The following MPDZ variants were observed in gnomAD, a reference collection of about 807,000 sequenced individuals.
MPDZ encodes the protein multiple PDZ domain protein.
In MPDZ, 234 loss-of-function variants were observed where a neutral mutation model predicts 239.1. The ratio of observed to expected loss-of-function variants is 0.98; its 90% CI spans 0.88 to 1.09. The LOEUF is 1.09. Ranked by LOEUF, MPDZ falls within the 50% of genes least tolerant of loss-of-function variation. The pLI is 0.00. For missense variants in MPDZ, 3,175 were observed against 2,510.0 expected, an observed-to-expected ratio of 1.26 and a Z score of -5.66; for synonymous variants, 1,048 against 881.3, an observed-to-expected ratio of 1.19 and a Z score of -3.35.
chr9:13,108,144 C>A (rs545311715), intron 46 of MPDZ, among the ~76,000 whole-genome samples: 1 of 152,084 alleles, frequency 6.6e-6, no homozygotes, highest in Non-Finnish European at 1.5e-5. Flanking sequence ...TTTTTAAACA[C>A]GTTTGACTAA....
At chr9:13,227,609 C>T (rs1033904439) in intron 3 of MPDZ, among the ~76,000 whole-genome samples, 2 of 151,930 alleles carry the variant, frequency 1.3e-5, no homozygotes, top group African/African-American at 4.8e-5. Context: ...GTAAGAGATT[C>T]ATGGTAAAAG....
At chr9:13,253,069 G>A (rs890551312) in intron 1 of MPDZ, among the ~76,000 whole-genome samples, 16 of 152,058 alleles carry the variant, frequency 1.1e-4, no homozygotes, top group Non-Finnish European at 1.9e-4. Context: ...GGTAGACCTC[G>A]GATTTAGAAG....
chr9:13,119,419 C>T (rs1943989258), intron 39 of MPDZ, 83 bp downstream of exon 39: 3 of 1,462,002 alleles, frequency 2.1e-6, no homozygotes, highest in Non-Finnish European at 2.8e-6. Flanking sequence ...GAAGTCATTA[C>T]TAATTTGACT....
rs375237042 is a variant in MPDZ, at chr9:13,216,746, C to A, written c.1290+28G>T. 10 of 1,499,852 alleles carry A rather than the reference C, an allele frequency of 6.7e-6. No individual in the cohort carries two copies. The East Asian group carries it at 2.3e-4, about 34-fold the overall frequency. 92.9% of individuals were successfully genotyped at this position (1,499,852 alleles called of 1,614,324 possible). ...TACAATTCTCAACCATGAAAATTAA[C>A]AAAGCTATTGTTAAATGTGTAACTT... On this transcript the variant is annotated intron_variant, in intron 10 of 46. Transcript: ENST00000319217.
At chr9:13,187,794 C>A (rs537228781) in intron 17 of MPDZ, among the ~76,000 whole-genome samples, 1 of 80,108 alleles carries the variant, frequency 1.2e-5, no homozygotes, top group South Asian at 4.3e-4. Context: ...CTGGAAAAAA[C>A]CCACAAATAT....
At chr9:13,226,273 G>A (rs1407502075) in intron 3 of MPDZ, among the ~76,000 whole-genome samples, 1 of 152,104 alleles carries the variant, frequency 6.6e-6, no homozygotes, top group Non-Finnish European at 1.5e-5. Flanking sequence ...TTATTTGTGT[G>A]TGCCTTTTAA....
chr9:13,159,674 T>A (rs964631857), intron 23 of MPDZ, among the ~76,000 whole-genome samples: 1 of 152,100 alleles, frequency 6.6e-6, no homozygotes, highest in Non-Finnish European at 1.5e-5. Context: ...GTGAGAGCTA[T>A]TCAGAAACAC....
intron 36 of MPDZ, among the ~76,000 whole-genome samples, chr9:13,122,375 A>T (rs561012781): frequency 4.6e-5 from 7 of 152,328 alleles, no homozygotes; most frequent in South Asian, 4.1e-4. Context: ...CTTTTTTCCT[A>T]ATGATAGAGA....
chr9:13,142,331 T>C lies in MPDZ; in HGVS notation c.3840+1135A>G, dbSNP rs555268545. Among the ~76,000 whole-genome samples the C allele has an allele frequency of 6.3e-4, 96 of 152,240 alleles. 1 individual carries two copies. The highest frequency in any genetic ancestry group is 2.1e-3 in the African/African-American group (88 of 41,552). The stretch of plus-strand genomic sequence containing the variant: ...AGTAAATCAAAATGGTGCCCTAACC[T>C]ACCTGACTAATAAAACCAATATAAG... On this transcript the variant is annotated intron_variant, in intron 27 of 46. Transcript: ENST00000319217.
rs929210909 is a variant in MPDZ, at chr9:13,160,550, A to T, written c.3359+2141T>A. Among the ~76,000 whole-genome samples, 4 of 152,044 alleles carry T rather than the reference A, an allele frequency of 2.6e-5. No individual in the cohort carries two copies. In the East Asian group the frequency reaches 7.8e-4, roughly 30 times the overall value. ...TTCTTTAAGTAAGTCATTTGACACAATATTTCAGAGGGACATTGAAATAAT... is the reference window on the plus strand; with the variant it reads ...TTCTTTAAGTAAGTCATTTGACACATTATTTCAGAGGGACATTGAAATAAT... On this transcript the variant is annotated intron_variant, in intron 23 of 46. Transcript: ENST00000319217.
At chr9:13,160,184 T>A (rs1950294584) in intron 23 of MPDZ, among the ~76,000 whole-genome samples, 1 of 152,190 alleles carries the variant, frequency 6.6e-6, no homozygotes. Flanking sequence ...TTCGTAGACT[T>A]GTGCAATTCC....
At chr9:13,236,996 A>G (rs1964230111) in intron 3 of MPDZ, among the ~76,000 whole-genome samples, 1 of 152,142 alleles carries the variant, frequency 6.6e-6, no homozygotes, top group South Asian at 2.1e-4. Context: ...GATACGCTGA[A>G]AAAAAGACTA....
At chr9:13,122,897 G>C (rs1445486191) in intron 36 of MPDZ, among the ~76,000 whole-genome samples, 2 of 152,148 alleles carry the variant, frequency 1.3e-5, no homozygotes, top group Non-Finnish European at 2.9e-5. Context: ...CTGGTGAACT[G>C]ATAGAAACAC....
chr9:13,190,925 A>G (rs564043166), intron 15 of MPDZ, among the ~76,000 whole-genome samples: 1 of 152,264 alleles, frequency 6.6e-6, no homozygotes, highest in African/African-American at 2.4e-5. Flanking sequence ...TGAGGACTAA[A>G]TGAAGTAACA....
chr9:13,166,743 T>C (rs1373253109), intron 22 of MPDZ, among the ~76,000 whole-genome samples: 1 of 151,994 alleles, frequency 6.6e-6, no homozygotes, highest in Non-Finnish European at 1.5e-5. Context: ...TCTGCCCACA[T>C]GATAGGGTAA....
chr9:13,278,476 G>T lies in MPDZ; in HGVS notation c.-58+924C>A, dbSNP rs143440223. On this transcript the variant is annotated intron_variant, in intron 1 of 46. Transcript: ENST00000319217. ...TCCGCTTGATTTCCATGTGACTGCA[G>T]GCAAGAATAGCCCAGCCTTTGTGCC... is the stretch of plus-strand genomic sequence containing the variant. 1.4e-3 allele frequency among the ~76,000 whole-genome samples: 211 copies of T among 152,298 alleles called. 2 individuals are homozygous for T. The highest frequency in any genetic ancestry group is 4.9e-3 in the African/African-American group (205 of 41,554).
intron 13 of MPDZ, 148 bp from the exon 14 acceptor site, chr9:13,193,461 G>A (rs892215001): frequency 2.2e-6 from 2 of 896,268 alleles, no homozygotes; most frequent in South Asian, 2.6e-5. Flanking sequence ...AAAGCTTTGG[G>A]GCTTTTCCTT....
Position 13,123,152 on chromosome 9 carries a change from C to T in MPDZ, c.4953+1G>A. ...CAGAAGCACCTCTGGGTGGTGCTCA[C>T]CAGCAGCGTGTCTGAACCCCCAACG... On this transcript the variant is annotated splice_donor_variant, in intron 36 of 46. Transcript: ENST00000319217. LOFTEE classifies it high-confidence loss of function. The T allele has an allele frequency of 1.9e-6, 3 of 1,611,596 alleles. No homozygotes were observed. The highest frequency in any genetic ancestry group is 2.5e-6 in the Non-Finnish European group (3 of 1,179,300).
chr9:13,110,501 T>A, intron 44 of MPDZ, 135 bp downstream of exon 44: 1 of 689,632 alleles, frequency 1.5e-6, no homozygotes. Context: ...ACTCTTAATT[T>A]AATCATTTAT....
Sources: allele counts gnomAD v4.1 joint callset (sites outside exome capture counted in the v4.1 genomes callset), GRCh38; gene constraint gnomAD v4.1.1; transcripts MANE v1.5; gene names NCBI Gene and HGNC (gene_info 2026-07-23, HGNC 2026-07-21).